The following FMR1 variants were observed in gnomAD, a reference collection of about 807,000 sequenced individuals.
FMR1 encodes FMRP translational regulator 1.
A neutral mutation model predicts 50.6 loss-of-function variants in FMR1; 13 were observed. That is an observed-to-expected ratio of 0.26 (90% confidence interval 0.17 to 0.41). FMR1 has a LOEUF of 0.41. Ranked by LOEUF, FMR1 falls within the 10% of genes least tolerant of loss-of-function variation. FMR1 has a pLI of 1.00. For missense variants in FMR1, 316 were observed against 491.3 expected (o/e 0.64, Z 3.37); for synonymous variants, 138 against 164.1 (o/e 0.84, Z 1.22).
intron 12 of FMR1, among the ~76,000 whole-genome samples, chrX:147,938,596 C>T (rs1420613591): frequency 8.9e-6 from 1 of 111,750 alleles, no homozygotes; most frequent in Non-Finnish European, 1.9e-5. Flanking sequence ...GTTCAAGAGC[C>T]TTCCCCTTCT....
intron 1 of FMR1, chrX:147,913,110 AT>A (rs1321208331): frequency 5.5e-3 from 719 of 130,584 alleles, no homozygotes; most frequent in Middle Eastern, 0.016. Flanking sequence ...TTACTAGGGC[AT>A]TTTTTTTTTA....
chrX:147,937,229 C>G (rs1557179786), intron 10 of FMR1, among the ~76,000 whole-genome samples: 1 of 111,596 alleles, frequency 9.0e-6, no homozygotes, highest in East Asian at 2.8e-4. Flanking sequence ...AAGATACTGT[C>G]TCATCAAAGA....
At chrX:147,931,516 A>G (rs5951855) in intron 7 of FMR1, among the ~76,000 whole-genome samples, 1,306 of 112,099 alleles carry the variant, frequency 0.012, 23 homozygotes, top group African/African-American at 0.04. Context: ...ATGCATGCCT[A>G]TCTTTCTTCA....
At chrX:147,930,875 T>G (rs2043573859) in intron 7 of FMR1, 1 of 111,827 alleles carries the variant, frequency 8.9e-6, no homozygotes, top group Admixed American at 9.5e-5. Flanking sequence ...AATTCCAGAG[T>G]TCGTCATCAT....
In FMR1 at chrX:147,939,452, A is replaced by G. The variant is rs782284837; in HGVS notation, c.1189-1124A>G. On this transcript the variant is annotated intron_variant, in intron 12 of 16. Coordinates refer to ENST00000370475, the MANE Select transcript of FMR1 (RefSeq NM_002024.6). The stretch of plus-strand genomic sequence containing the variant: ...GCTTGATAAAACTTAATGCTTGTCA[A>G]TGTACCTATTTTTTTGTCTCACAGA... 1.3e-4 allele frequency among the ~76,000 whole-genome samples: 14 copies of G among 111,788 alleles called. No homozygotes were observed. The South Asian group carries it at 4.8e-3, about 39-fold the overall frequency.
intron 10 of FMR1, 48 bp downstream of exon 10, chrX:147,936,661 GT>G (rs1436830861): frequency 2.6e-6 from 2 of 770,365 alleles, no homozygotes; most frequent in Non-Finnish European, 4.0e-6. Context: ...AAAAGTAAAA[GT>G]TTTTTATGTG....
chrX:147,923,865 T>G (rs782016971), intron 2 of FMR1, among the ~76,000 whole-genome samples: 1 of 111,998 alleles, frequency 8.9e-6, no homozygotes, highest in Non-Finnish European at 1.9e-5. Context: ...GTGTGTTTCC[T>G]TTTTGGTTTT....
chrX:147,938,014 C>T lies in FMR1; in HGVS notation c.1126-85C>T. ...TCTGTTTAGAAATGGGTTTAAAAGT[C>T]CTGCAGTGAAAGTCCTGCGTTCAGG... is the stretch of plus-strand genomic sequence containing the variant. On this transcript the variant is annotated intron_variant, in intron 11 of 16. Transcript: ENST00000370475. The T allele has an allele frequency of 6.9e-6, 5 of 724,157 alleles. No individual in the cohort carries two copies. The South Asian group carries it at 1.1e-4, about 15-fold the overall frequency. The allele number at this position is 724,157 out of a possible 1,213,427, so 59.7% of individuals were successfully genotyped here. A position where few individuals can be genotyped will look rare whatever the true frequency, so the allele number is the denominator to read the frequency against.
At chrX:147,942,001 T>G (rs1328489188) in intron 13 of FMR1, among the ~76,000 whole-genome samples, 1 of 112,677 alleles carries the variant, frequency 8.9e-6, no homozygotes, top group African/African-American at 3.2e-5. Flanking sequence ...CATGAGCTAT[T>G]ACTATACCTT....
chrX:147,917,431 A>G (rs1260720910), intron 1 of FMR1, among the ~76,000 whole-genome samples: 3 of 111,811 alleles, frequency 2.7e-5, no homozygotes, highest in African/African-American at 9.8e-5. Flanking sequence ...TTAATGATTT[A>G]TTTCCTGTTT....
At position 147,932,674 on chromosome X, in the gene FMR1, C is replaced by T. The variant is rs1557178950; in HGVS notation, c.802-11C>T. ...TAATCTTTTGTCTTAAAATGTTTCC[C>T]CTTTTATTAGGATCAGGATGCAGTG... On this transcript the variant is annotated splice_polypyrimidine_tract_variant and intron_variant, in intron 8 of 16. Coordinates refer to ENST00000370475, the MANE Select transcript of FMR1 (RefSeq NM_002024.6). The T allele has an allele frequency of 8.3e-7, 1 of 1,204,632 alleles. No individual in the cohort carries two copies. The highest frequency in any genetic ancestry group is 1.1e-6 in the Non-Finnish European group (1 of 889,648).
chrX:147,912,617 C>T, intron 1 of FMR1: 2 of 303,093 alleles, frequency 6.6e-6, no homozygotes, highest in Non-Finnish European at 1.2e-5. Context: ...CAGCGGGATC[C>T]GGGCCTGTCG....
intron 2 of FMR1, among the ~76,000 whole-genome samples, chrX:147,924,628 C>G (rs185310740): frequency 9.4e-6 from 1 of 106,061 alleles, no homozygotes; most frequent in African/African-American, 3.4e-5. Flanking sequence ...CCTCCCACCT[C>G]AGCCTCCCGA....
chrX:147,939,421 G>A (rs192680036), intron 12 of FMR1, among the ~76,000 whole-genome samples: 67 of 111,553 alleles, frequency 6.0e-4, no homozygotes, highest in Non-Finnish European at 1.1e-3. Flanking sequence ...ATTGAAATGT[G>A]TATGGGCTTG....
intron 3 of FMR1, among the ~76,000 whole-genome samples, chrX:147,926,677 G>A (rs1293354153): frequency 9.1e-6 from 1 of 110,124 alleles, no homozygotes; most frequent in Non-Finnish European, 1.9e-5. Flanking sequence ...TAGTAGAGAC[G>A]GGGTTTCACC....
chrX:147,945,285 G>A (rs1785379834), intron 15 of FMR1, among the ~76,000 whole-genome samples: 1 of 112,121 alleles, frequency 8.9e-6, no homozygotes, highest in Non-Finnish European at 1.9e-5. Context: ...TCAGCATCTT[G>A]GTGGGTCTAA....
intron 4 of FMR1, 26 bp downstream of exon 4, chrX:147,928,419 T>C: frequency 8.9e-7 from 1 of 1,121,221 alleles, no homozygotes; most frequent in South Asian, 1.8e-5. Flanking sequence ...TTTAAATTTT[T>C]TTCTTATATT....
intron 2 of FMR1, among the ~76,000 whole-genome samples, chrX:147,924,636 C>T (rs889506971): frequency 1.3e-4 from 14 of 105,876 alleles, no homozygotes; most frequent in African/African-American, 3.8e-4. Context: ...CTCAGCCTCC[C>T]GAGTAGCTGG....
chrX:147,913,614 C>A (rs1248290253), intron 1 of FMR1: 2 of 112,081 alleles, frequency 1.8e-5, no homozygotes, highest in Admixed American at 1.9e-4. Flanking sequence ...CAGTATATTT[C>A]ATAAATGAGT....
Sources: gnomAD v4.1 joint callset for allele counts (sites outside exome capture counted in the v4.1 genomes callset) on GRCh38, gnomAD v4.1.1 for gene constraint, MANE v1.5 for transcripts, NCBI Gene and HGNC (gene_info 2026-07-23, HGNC 2026-07-21) for gene names.